Variants in KHDRBS2 observed in about 807,000 individuals in gnomAD.
The protein encoded by KHDRBS2 is KH domain-containing, RNA-binding, signal transduction-associated protein 2.
KHDRBS2 carries 26 observed loss-of-function variants against 44.3 expected under a neutral mutation model. That is an observed-to-expected ratio of 0.59 (90% CI 0.43 to 0.81). The LOEUF (loss-of-function observed/expected upper bound fraction) is 0.81, where lower values mean the gene tolerates loss of function less well. Among genes scored for constraint, KHDRBS2 ranks in the 40% least tolerant of loss-of-function variants. KHDRBS2 has a pLI of 0.00. For synonymous variants in KHDRBS2, 194 were observed against 151.1 expected (o/e 1.28, Z -2.08); for missense variants, 476 against 433.1 (o/e 1.10, Z -0.88).
In KHDRBS2 at chr6:61,809,351, C is replaced by T. The variant is rs185074178; in HGVS notation, c.811-76587G>A. Among the ~76,000 whole-genome samples, 149 of 152,184 alleles carry T rather than the reference C, an allele frequency of 9.8e-4. 1 individual carries two copies. In the Middle Eastern group the frequency reaches 0.014, roughly 14 times the overall value. Reference sequence around the variant, plus strand: ...CCAGAATTCTTAATGAGTTTTGCTACGAATTAGTTTACAGCCCAAGTACAT... The same window carrying T: ...CCAGAATTCTTAATGAGTTTTGCTATGAATTAGTTTACAGCCCAAGTACAT... On this transcript the variant is annotated intron_variant, in intron 6 of 8. Transcript: ENST00000281156.
chr6:61,751,894 G>C (rs1389403652), intron 6 of KHDRBS2, among the ~76,000 whole-genome samples: 2 of 125,980 alleles, frequency 1.6e-5, no homozygotes, highest in Admixed American at 1.5e-4. Context: ...GCAAATGGCT[G>C]CCTTCTCATT....
At chr6:62,071,413 C>T (rs1025894229) in intron 2 of KHDRBS2, among the ~76,000 whole-genome samples, 21 of 152,280 alleles carry the variant, frequency 1.4e-4, no homozygotes, top group Non-Finnish European at 2.8e-4. Context: ...GAAATCCTTG[C>T]CCATGCCTAT....
At chr6:61,971,353 T>A (rs1360837449) in intron 4 of KHDRBS2, among the ~76,000 whole-genome samples, 1 of 152,164 alleles carries the variant, frequency 6.6e-6, no homozygotes, top group Admixed American at 6.6e-5. Context: ...TTTTTCATTG[T>A]AGCTTGCTGA....
intron 1 of KHDRBS2, among the ~76,000 whole-genome samples, chr6:62,250,573 G>A (rs139995839): frequency 6.6e-6 from 1 of 152,112 alleles, no homozygotes; most frequent in Non-Finnish European, 1.5e-5. Context: ...AAAAGGGAGA[G>A]CCCTTGCTTT....
intron 3 of KHDRBS2, among the ~76,000 whole-genome samples, chr6:62,026,782 G>C (rs1239347735): frequency 1.3e-5 from 2 of 151,976 alleles, no homozygotes; most frequent in Non-Finnish European, 2.9e-5. Context: ...CTTTTCTTAA[G>C]CATATTTTAA....
intron 3 of KHDRBS2, among the ~76,000 whole-genome samples, chr6:62,030,613 G>T (rs1562680474): frequency 6.6e-6 from 1 of 151,910 alleles, no homozygotes; most frequent in East Asian, 1.9e-4. Flanking sequence ...GTCTTTCCTA[G>T]AACTAATAGA....
chr6:62,141,883 A>G (rs1197363336), intron 2 of KHDRBS2, among the ~76,000 whole-genome samples: 4 of 151,984 alleles, frequency 2.6e-5, no homozygotes, highest in Admixed American at 1.3e-4. Flanking sequence ...AAAACATATT[A>G]TCTTGTGTGA....
chr6:61,996,169 T>A (rs1777132329), intron 3 of KHDRBS2, among the ~76,000 whole-genome samples: 1 of 152,196 alleles, frequency 6.6e-6, no homozygotes, highest in African/African-American at 2.4e-5. Flanking sequence ...TTAAAAATGT[T>A]TTAATACTTT....
chr6:62,234,220 G>A (rs1673677755), intron 1 of KHDRBS2, among the ~76,000 whole-genome samples: 1 of 152,020 alleles, frequency 6.6e-6, no homozygotes, highest in Non-Finnish European at 1.5e-5. Context: ...TAGCACCTAC[G>A]GTTGAAAGAA....
chr6:62,061,320 C>A (rs1436995734), intron 2 of KHDRBS2, among the ~76,000 whole-genome samples: 6 of 151,494 alleles, frequency 4.0e-5, no homozygotes, highest in Non-Finnish European at 7.4e-5. Flanking sequence ...ACCGGTTGTT[C>A]CTTTCCATGT....
chr6:61,797,644 C>T (rs1352796016), intron 6 of KHDRBS2, among the ~76,000 whole-genome samples: 1 of 151,758 alleles, frequency 6.6e-6, no homozygotes, highest in Non-Finnish European at 1.5e-5. Context: ...CATGCATTAA[C>T]CCAACACACC....
chr6:61,793,395 C>T (rs1784884767), intron 6 of KHDRBS2, among the ~76,000 whole-genome samples: 1 of 151,752 alleles, frequency 6.6e-6, no homozygotes, highest in African/African-American at 2.4e-5. Context: ...ATAAATAAGA[C>T]ACAAATATCT....
intron 1 of KHDRBS2, among the ~76,000 whole-genome samples, chr6:62,276,007 C>T (rs1323650211): frequency 6.6e-6 from 1 of 152,166 alleles, no homozygotes; most frequent in Non-Finnish European, 1.5e-5. Context: ...CATTCAGCCT[C>T]TTTATTGTGT....
intron 2 of KHDRBS2, among the ~76,000 whole-genome samples, chr6:62,120,807 A>C (rs1349383706): frequency 1.3e-5 from 2 of 152,162 alleles, no homozygotes; most frequent in Non-Finnish European, 1.5e-5. Flanking sequence ...CCCTTGAATA[A>C]AGGGGAGGCC....
chr6:61,828,711 C>T (rs1423311213), intron 6 of KHDRBS2, among the ~76,000 whole-genome samples: 1 of 152,166 alleles, frequency 6.6e-6, no homozygotes, highest in Non-Finnish European at 1.5e-5. Context: ...CTTTGATGTG[C>T]TTCTTAAAGT....
the KHDRBS2 span, among the ~76,000 whole-genome samples, chr6:61,603,039 C>T: frequency 1.1e-4 from 17 of 152,214 alleles, no homozygotes; most frequent in African/African-American, 4.1e-4. Context: ...ACAGATGATG[C>T]ACCCCTTACC....
At chr6:61,560,102 C>T in the KHDRBS2 span, among the ~76,000 whole-genome samples, 2 of 151,772 alleles carry the variant, frequency 1.3e-5, no homozygotes, top group Non-Finnish European at 2.9e-5. Flanking sequence ...AAGGTTTTTC[C>T]TTCAGCATAT....
intron 2 of KHDRBS2, among the ~76,000 whole-genome samples, chr6:62,171,134 A>G (rs1400432105): frequency 3.0e-4 from 45 of 152,104 alleles, no homozygotes; most frequent in Non-Finnish European, 1.8e-4. Context: ...AACTGGGTGA[A>G]ATGGCAGATA....
At chr6:61,664,090 C>T in the KHDRBS2 span, among the ~76,000 whole-genome samples, 3 of 151,682 alleles carry the variant, frequency 2.0e-5, no homozygotes, top group Non-Finnish European at 2.9e-5. Context: ...AAGGCTTAAC[C>T]TTTGTATTTC....
Sources: allele counts gnomAD v4.1 joint callset (sites outside exome capture counted in the v4.1 genomes callset), GRCh38; gene constraint gnomAD v4.1.1; transcripts MANE v1.5; gene names NCBI Gene and HGNC (gene_info 2026-07-23, HGNC 2026-07-21).